Variants in PBX3 observed in about 807,000 individuals in gnomAD.
PBX3 encodes PBX homeobox 3.
PBX3 carries 14 observed loss-of-function variants against 48.5 expected under a neutral mutation model. The ratio of observed to expected loss-of-function variants is 0.29; its 90% CI spans 0.19 to 0.45. The LOEUF is 0.45. Among genes scored for constraint, PBX3 ranks in the 20% least tolerant of loss-of-function variants. The pLI, the probability that PBX3 is intolerant of heterozygous loss-of-function variation, is 1.00. For synonymous variants in PBX3, 210 were observed against 200.3 expected (o/e 1.05, Z -0.41); for missense variants, 386 against 546.7 (o/e 0.71, Z 2.93).
At chr9:125,761,693 G>A (rs1836671867) in intron 2 of PBX3, among the ~76,000 whole-genome samples, 2 of 152,050 alleles carry the variant, frequency 1.3e-5, no homozygotes. Flanking sequence ...ACTAAGAACA[G>A]GCAGCACTAT....
intron 2 of PBX3, among the ~76,000 whole-genome samples, chr9:125,755,896 AT>A (rs1477061356): frequency 1.3e-5 from 2 of 151,930 alleles, no homozygotes; most frequent in African/African-American, 4.8e-5. Context: ...ATATACTAAA[AT>A]TTTTGTGTCA....
intron 2 of PBX3, among the ~76,000 whole-genome samples, chr9:125,771,437 A>G (rs1836938413): frequency 6.6e-6 from 1 of 152,222 alleles, no homozygotes; most frequent in Admixed American, 6.5e-5. Flanking sequence ...GGTATGAATC[A>G]TGGACAAAGT....
intron 2 of PBX3, among the ~76,000 whole-genome samples, chr9:125,787,782 G>A (rs1021298957): frequency 1.2e-4 from 19 of 152,156 alleles, no homozygotes; most frequent in Admixed American, 1.1e-3. Context: ...GAAAGGGAAG[G>A]TGACTGGCGG....
chr9:125,790,501 G>T (rs1038255370), intron 2 of PBX3, among the ~76,000 whole-genome samples: 5 of 151,876 alleles, frequency 3.3e-5, no homozygotes, highest in African/African-American at 1.2e-4. Context: ...CAATCTGCTC[G>T]CCTCAGCCTC....
At chr9:125,781,094 C>A (rs1233032212) in intron 2 of PBX3, among the ~76,000 whole-genome samples, 4 of 148,804 alleles carry the variant, frequency 2.7e-5, no homozygotes, top group African/African-American at 7.5e-5. Context: ...CAGGCAGAGA[C>A]GCTCCTCACT....
intron 2 of PBX3, among the ~76,000 whole-genome samples, chr9:125,822,541 C>A (rs1490519328): frequency 1.3e-5 from 2 of 152,072 alleles, no homozygotes; most frequent in East Asian, 3.8e-4. Flanking sequence ...TTTAGAAACT[C>A]TAAAATGTGT....
intron 2 of PBX3, among the ~76,000 whole-genome samples, chr9:125,777,432 T>G (rs1837105675): frequency 1.3e-5 from 2 of 151,982 alleles, no homozygotes; most frequent in South Asian, 4.2e-4. Flanking sequence ...CTGGGCTCAC[T>G]GCAACCTCCA....
intron 2 of PBX3, 104 bp from the exon 3 acceptor site, chr9:125,915,582 A>C: frequency 1.3e-6 from 1 of 774,842 alleles, no homozygotes; most frequent in South Asian, 1.8e-5. Context: ...ATTGTAGTAC[A>C]CTGATGTTGT....
Position 125,780,944 on chromosome 9 carries a change from T to C in PBX3, c.274+32321T>C, listed in dbSNP as rs192609383. On this transcript the variant is annotated intron_variant, in intron 2 of 8. Coordinates refer to ENST00000373489, the MANE Select transcript of PBX3 (RefSeq NM_006195.6). ...GGGGGCAGCTGGGCAGAGACGCTCC[T>C]CACCTCCCAGACGGGGTTGCGGCCG... 2.6e-3 allele frequency among the ~76,000 whole-genome samples: 319 copies of C among 123,886 alleles called. 3 individuals carry two copies. Among genetic ancestry groups the C allele is most frequent in the African/African-American group, 9.9e-3 (293 of 29,660 alleles). The allele number at this position is 123,886 out of a possible 152,430, so 81.3% of individuals were successfully genotyped here.
chr9:125,959,812 A>C (rs990474818), intron 5 of PBX3, among the ~76,000 whole-genome samples: 2 of 152,188 alleles, frequency 1.3e-5, no homozygotes, highest in Non-Finnish European at 2.9e-5. Flanking sequence ...CCTTTTATAT[A>C]GTGTGTGGGT....
At chr9:125,899,253 A>G (rs1840856595) in intron 2 of PBX3, among the ~76,000 whole-genome samples, 2 of 130,778 alleles carry the variant, frequency 1.5e-5, no homozygotes, top group Non-Finnish European at 1.6e-5. Flanking sequence ...ACATATGTAT[A>G]TATATTTATA....
intron 2 of PBX3, among the ~76,000 whole-genome samples, chr9:125,880,646 T>A (rs1840360555): frequency 6.6e-6 from 1 of 152,232 alleles, no homozygotes; most frequent in Admixed American, 6.5e-5. Flanking sequence ...AAGATAGGCA[T>A]CTGAAATCTA....
At chr9:125,780,614 C>T (rs1444751793) in intron 2 of PBX3, among the ~76,000 whole-genome samples, 17 of 138,590 alleles carry the variant, frequency 1.2e-4, no homozygotes, top group Admixed American at 3.5e-4. Context: ...CCTCACCTCC[C>T]GGACGGGGCG....
chr9:125,835,794 T>A (rs1839116774), intron 2 of PBX3, among the ~76,000 whole-genome samples: 1 of 152,148 alleles, frequency 6.6e-6, no homozygotes, highest in Non-Finnish European at 1.5e-5. Context: ...GTATGGAGCT[T>A]CCTCAAAAAA....
At chr9:125,804,336 T>A (rs1838056105) in intron 2 of PBX3, among the ~76,000 whole-genome samples, 1 of 152,220 alleles carries the variant, frequency 6.6e-6, no homozygotes, top group Non-Finnish European at 1.5e-5. Flanking sequence ...TCAAGGTATA[T>A]GAGCTATTGA....
chr9:125,888,633 G>T (rs758675046), intron 2 of PBX3, among the ~76,000 whole-genome samples: 1 of 151,636 alleles, frequency 6.6e-6, no homozygotes, highest in Non-Finnish European at 1.5e-5. Context: ...TAAAGTTTTG[G>T]ACTTGATTAC....
chr9:125,917,274 T>G (rs536712325), intron 3 of PBX3, among the ~76,000 whole-genome samples: 2 of 152,250 alleles, frequency 1.3e-5, no homozygotes, highest in South Asian at 2.1e-4. Context: ...AGAAGAGAGA[T>G]ATCACATATA....
At chr9:125,891,099 G>A (rs555530488) in intron 2 of PBX3, among the ~76,000 whole-genome samples, 1 of 152,200 alleles carries the variant, frequency 6.6e-6, no homozygotes, top group Admixed American at 6.5e-5. Context: ...TTCTTTCTAT[G>A]TATGAAATAG....
chr9:125,860,380 G>C (rs1419271161), intron 2 of PBX3, among the ~76,000 whole-genome samples: 1 of 152,182 alleles, frequency 6.6e-6, no homozygotes, highest in Non-Finnish European at 1.5e-5. Flanking sequence ...AGGAGAGTTG[G>C]ATATCAGTAA....
Sources: gnomAD v4.1 joint callset for allele counts (sites outside exome capture counted in the v4.1 genomes callset) on GRCh38, gnomAD v4.1.1 for gene constraint, MANE v1.5 for transcripts, NCBI Gene and HGNC (gene_info 2026-07-23, HGNC 2026-07-21) for gene names.